Variants in PALM2AKAP2 observed in about 807,000 individuals in gnomAD.
PALM2AKAP2 encodes PALM2 and AKAP2 fusion, also known as PALM2-AKAP2 fusion protein.
Under a neutral mutation model 71.5 loss-of-function variants are expected in PALM2AKAP2, and 37 were observed. The ratio of observed to expected loss-of-function variants is 0.52; its 90% CI spans 0.40 to 0.68. The LOEUF is 0.68. Ranked by LOEUF, PALM2AKAP2 falls within the 30% of genes least tolerant of loss-of-function variation. The pLI is 0.00. For synonymous variants in PALM2AKAP2, 468 were observed against 478.8 expected, an observed-to-expected ratio of 0.98 and a Z score of 0.29; for missense variants, 1,224 against 1,191.8, an observed-to-expected ratio of 1.03 and a Z score of -0.40.
At chr9:110,056,563 C>G (rs1454105612) in intron 1 of PALM2AKAP2, among the ~76,000 whole-genome samples, 3 of 152,190 alleles carry the variant, frequency 2.0e-5, no homozygotes, top group Non-Finnish European at 4.4e-5. Context: ...CATATTTTAG[C>G]TTGGCCTATT....
At chr9:110,042,647 TC>T (rs2132465377) in intron 7 of PALM2AKAP2, among the ~76,000 whole-genome samples, 1 of 152,330 alleles carries the variant, frequency 6.6e-6, no homozygotes, top group South Asian at 2.1e-4. Context: ...CTGCTTACAC[TC>T]CTACCAACAT....
chr9:110,044,340 C>CTTTTT (rs1291956311), upstream of PALM2AKAP2, among the ~76,000 whole-genome samples: 2 of 121,216 alleles, frequency 1.6e-5, no homozygotes, highest in African/African-American at 6.5e-5. Context: ...CTTTTTCTTT[C>CTTTTT]TTTCTTTTTT....
chr9:110,118,040 A>G (rs1365409007), intron 1 of PALM2AKAP2, among the ~76,000 whole-genome samples: 1 of 149,428 alleles, frequency 6.7e-6, no homozygotes, highest in Non-Finnish European at 1.5e-5. Context: ...AATTTCTACT[A>G]CAGCCATGGA....
At chr9:109,872,899 T>A (rs529492661) in intron 2 of PALM2AKAP2, among the ~76,000 whole-genome samples, 22 of 152,332 alleles carry the variant, frequency 1.4e-4, no homozygotes, top group Admixed American at 3.9e-4. Context: ...ACCTTAGATC[T>A]CCTCCCTTGT....
chr9:109,747,476 T>C (rs1250317877), intron 1 of PALM2AKAP2, among the ~76,000 whole-genome samples: 1 of 152,216 alleles, frequency 6.6e-6, no homozygotes, highest in Non-Finnish European at 1.5e-5. Flanking sequence ...TAAAATTATA[T>C]ATACTCATAA....
intron 1 of PALM2AKAP2, among the ~76,000 whole-genome samples, chr9:109,832,581 A>C (rs1828334254): frequency 6.6e-6 from 1 of 152,248 alleles, no homozygotes; most frequent in South Asian, 2.1e-4. Context: ...TTGAAAGCTA[A>C]GAAAAATGTA....
At chr9:110,057,516 C>T (rs1424368297) in intron 1 of PALM2AKAP2, among the ~76,000 whole-genome samples, 1 of 151,952 alleles carries the variant, frequency 6.6e-6, no homozygotes, top group East Asian at 1.9e-4. Flanking sequence ...GTAGCTGTGT[C>T]TACAGGCGCG....
intron 7 of PALM2AKAP2, among the ~76,000 whole-genome samples, chr9:110,027,703 A>G (rs1833206777): frequency 6.6e-6 from 1 of 152,224 alleles, no homozygotes. Context: ...AAGACAGATT[A>G]TCCTCCTAGA....
At chr9:109,736,005 G>T (rs1828627456) in intron 1 of PALM2AKAP2, among the ~76,000 whole-genome samples, 1 of 152,192 alleles carries the variant, frequency 6.6e-6, no homozygotes, top group Non-Finnish European at 1.5e-5. Flanking sequence ...AGTCTATGCT[G>T]AGGTCATGTC....
At chr9:110,138,325 C>T (rs199910947) in exon 2 of PALM2AKAP2, 51 of 1,614,232 alleles carry the variant, frequency 3.2e-5, no homozygotes, top group Non-Finnish European at 3.7e-5. Flanking sequence ...CAGCCTCCCT[C>T]CTGGCCACTC....
intron 6 of PALM2AKAP2, among the ~76,000 whole-genome samples, chr9:110,011,001 A>AAAAC (rs1408843392): frequency 2.2e-4 from 22 of 98,926 alleles, no homozygotes; most frequent in African/African-American, 1.1e-3. Flanking sequence ...TGTCTCAAAA[A>AAAAC]AAAAAAAAAA....
intron 1 of PALM2AKAP2, among the ~76,000 whole-genome samples, chr9:109,766,933 C>G (rs1226683877): frequency 6.6e-6 from 1 of 152,196 alleles, no homozygotes; most frequent in Admixed American, 6.5e-5. Flanking sequence ...CTGTTAGCCA[C>G]TGTCCCCGAC....
intron 6 of PALM2AKAP2, among the ~76,000 whole-genome samples, chr9:110,001,337 T>G (rs1832677192): frequency 6.6e-6 from 1 of 152,214 alleles, no homozygotes; most frequent in East Asian, 1.9e-4. Flanking sequence ...AATGTGGCAT[T>G]ATTTCTGAGG....
chr9:109,698,876 G>A (rs891100893), intron 1 of PALM2AKAP2, among the ~76,000 whole-genome samples: 6 of 152,192 alleles, frequency 3.9e-5, no homozygotes, highest in African/African-American at 1.4e-4. Flanking sequence ...ACTTACTTTT[G>A]AGAGTCAGAG....
chr9:109,794,204 A>G (rs1315963033), intron 1 of PALM2AKAP2, among the ~76,000 whole-genome samples: 2 of 151,998 alleles, frequency 1.3e-5, no homozygotes, highest in East Asian at 3.9e-4. Context: ...CCGCTGTGGA[A>G]TTTTCTCATT....
intron 1 of PALM2AKAP2, among the ~76,000 whole-genome samples, chr9:109,687,487 T>G (rs1204614300): frequency 6.6e-6 from 1 of 152,252 alleles, no homozygotes; most frequent in East Asian, 1.9e-4. Flanking sequence ...GCTTCTTTCC[T>G]CAAACCTCAT....
chr9:110,158,987 T>C (rs1836531604), intron 3 of PALM2AKAP2, among the ~76,000 whole-genome samples: 1 of 152,242 alleles, frequency 6.6e-6, no homozygotes. Flanking sequence ...AGGGGACCTT[T>C]TCTCCTGTAT....
chr9:109,901,454 C>T (rs1032005787), intron 3 of PALM2AKAP2, among the ~76,000 whole-genome samples: 2 of 152,190 alleles, frequency 1.3e-5, no homozygotes, highest in African/African-American at 4.8e-5. Context: ...TTAGGAGAAA[C>T]AGTCCAGGCA....
At chr9:110,067,023 A>G (rs1418595059) in intron 1 of PALM2AKAP2, among the ~76,000 whole-genome samples, 1 of 152,198 alleles carries the variant, frequency 6.6e-6, no homozygotes, top group Admixed American at 6.5e-5. Flanking sequence ...AATAGATAAT[A>G]ATAAATATGG....
Sources: gnomAD v4.1 joint callset for allele counts (sites outside exome capture counted in the v4.1 genomes callset) on GRCh38, gnomAD v4.1.1 for gene constraint, MANE v1.5 for transcripts, NCBI Gene and HGNC (gene_info 2026-07-23, HGNC 2026-07-21) for gene names.